Variants in ROBO1 observed in about 807,000 individuals in gnomAD.
The protein encoded by ROBO1 is roundabout homolog 1.
ROBO1 carries 149 observed loss-of-function variants against 195.9 expected under a neutral mutation model. That is an observed-to-expected ratio of 0.76 (90% CI 0.67 to 0.87). The LOEUF is 0.87. Ranked by LOEUF, ROBO1 falls within the 40% of genes least tolerant of loss-of-function variation. The pLI is 0.00. For missense variants in ROBO1, 1,933 were observed against 2,068.3 expected (o/e 0.93, Z 1.27); for synonymous variants, 816 against 733.2 (o/e 1.11, Z -1.82).
At chr3:79,158,121 A>G (rs530356836) in intron 2 of ROBO1, among the ~76,000 whole-genome samples, 40 of 151,638 alleles carry the variant, frequency 2.6e-4, no homozygotes, top group African/African-American at 9.4e-4. Context: ...TCATCTCAAC[A>G]CTCCTGCCAA....
intron 2 of ROBO1, among the ~76,000 whole-genome samples, chr3:79,540,156 G>A (rs891253853): frequency 2.6e-5 from 4 of 152,000 alleles, no homozygotes; most frequent in African/African-American, 9.7e-5. Context: ...AAAGGTTATT[G>A]TAATAGAGCA....
At position 78,950,114 on chromosome 3, in the gene ROBO1, G is replaced by A. The variant is rs1576455250; in HGVS notation, c.173-11187C>T. ...GGAAGTCCGTGTGGCGATTCCTCAG[G>A]GATCTAGAACTAGAAATACCATTTG... is the stretch of plus-strand genomic sequence containing the variant. On this transcript the variant is annotated intron_variant, in intron 3 of 30. Coordinates refer to ENST00000464233, the MANE Select transcript of ROBO1 (RefSeq NM_002941.4). Among the ~76,000 whole-genome samples, 4 of 152,142 alleles carry A rather than the reference G, an allele frequency of 2.6e-5. No homozygotes were observed. In the East Asian group the frequency reaches 7.8e-4, roughly 29 times the overall value.
intron 1 of ROBO1, among the ~76,000 whole-genome samples, chr3:79,751,788 T>C (rs941976631): frequency 1.3e-5 from 2 of 152,196 alleles, no homozygotes; most frequent in African/African-American, 4.8e-5. Context: ...ACTCATAGGA[T>C]CATTAATGAT....
intron 2 of ROBO1, among the ~76,000 whole-genome samples, chr3:79,243,013 G>A (rs2082550817): frequency 7.9e-6 from 1 of 127,118 alleles, no homozygotes; most frequent in South Asian, 2.4e-4. Flanking sequence ...GCCCTGGTGT[G>A]TGATGTTCCC....
intron 4 of ROBO1, among the ~76,000 whole-genome samples, chr3:78,901,795 T>C (rs1203656134): frequency 6.6e-6 from 1 of 152,168 alleles, no homozygotes. Flanking sequence ...CCATCAAATG[T>C]CTATACTAAT....
At chr3:79,199,853 T>C (rs1305983594) in intron 2 of ROBO1, among the ~76,000 whole-genome samples, 2 of 151,774 alleles carry the variant, frequency 1.3e-5, no homozygotes, top group African/African-American at 4.8e-5. Flanking sequence ...ATGGCGATGG[T>C]AAAGTGTTCT....
intron 2 of ROBO1, among the ~76,000 whole-genome samples, chr3:79,527,490 T>A (rs1425162025): frequency 6.6e-6 from 1 of 152,160 alleles, no homozygotes; most frequent in Non-Finnish European, 1.5e-5. Flanking sequence ...TTTCTATGGT[T>A]AATATTCTCT....
intron 2 of ROBO1, among the ~76,000 whole-genome samples, chr3:79,439,646 TG>T (rs561877730): frequency 3.1e-3 from 468 of 152,208 alleles, no homozygotes; most frequent in Middle Eastern, 0.027. Flanking sequence ...AATATAAACA[TG>T]ATTTAAATGG....
intron 8 of ROBO1, among the ~76,000 whole-genome samples, chr3:78,711,348 CTCCTTCCTTCCTTCCTTCCTTCCT>C (rs1191923818): frequency 6.2e-4 from 34 of 54,682 alleles, no homozygotes; most frequent in South Asian, 1.7e-3. Flanking sequence ...TCCTTCCTTC[CTCCTTCCTTCCTTCCTTCCTTCCT>C]TCCTTCCTTC....
intron 4 of ROBO1, among the ~76,000 whole-genome samples, chr3:78,831,581 A>T (rs2032213970): frequency 6.6e-6 from 1 of 152,226 alleles, no homozygotes; most frequent in Non-Finnish European, 1.5e-5. Flanking sequence ...CCTATCAGAA[A>T]ATGACATGAG....
intron 1 of ROBO1, among the ~76,000 whole-genome samples, chr3:79,724,363 C>A (rs1391647116): frequency 1.3e-5 from 2 of 152,164 alleles, no homozygotes; most frequent in Admixed American, 1.3e-4. Flanking sequence ...TTTCTCAATA[C>A]CACTGATATT....
At chr3:79,185,541 T>C (rs1353383413) in intron 2 of ROBO1, among the ~76,000 whole-genome samples, 1 of 152,160 alleles carries the variant, frequency 6.6e-6, no homozygotes, top group Non-Finnish European at 1.5e-5. Context: ...TATTAGGTAT[T>C]CATCTTAGAA....
chr3:79,726,236 C>G (rs1702919724), intron 1 of ROBO1, among the ~76,000 whole-genome samples: 1 of 152,148 alleles, frequency 6.6e-6, no homozygotes, highest in Admixed American at 6.6e-5. Flanking sequence ...TCCCAGGACA[C>G]CAGTTGTGAA....
At chr3:79,237,354 G>A (rs1464845723) in intron 2 of ROBO1, among the ~76,000 whole-genome samples, 1 of 151,916 alleles carries the variant, frequency 6.6e-6, no homozygotes, top group Non-Finnish European at 1.5e-5. Context: ...TGGTGGCGGC[G>A]CCTGTAGTCC....
chr3:78,717,641 C>A, intron 6 of ROBO1, 122 bp downstream of exon 6: 1 of 1,148,220 alleles, frequency 8.7e-7, no homozygotes, highest in Non-Finnish European at 1.2e-6. Flanking sequence ...TTTCTTCTCT[C>A]CTCTTTCTAC....
At chr3:79,671,095 A>G (rs1946619213) in intron 1 of ROBO1, among the ~76,000 whole-genome samples, 1 of 151,848 alleles carries the variant, frequency 6.6e-6, no homozygotes, top group Non-Finnish European at 1.5e-5. Context: ...TAAAATAGTC[A>G]ACATATTGAC....
intron 4 of ROBO1, among the ~76,000 whole-genome samples, chr3:78,765,859 T>C (rs993890973): frequency 6.6e-6 from 1 of 152,196 alleles, no homozygotes; most frequent in Admixed American, 6.5e-5. Flanking sequence ...TGCTGATAGA[T>C]AGTAAGCCAA....
At chr3:79,238,682 G>GC (rs2082457614) in intron 2 of ROBO1, among the ~76,000 whole-genome samples, 2 of 152,200 alleles carry the variant, frequency 1.3e-5, no homozygotes, top group African/African-American at 4.8e-5. Context: ...TTATGATGAT[G>GC]CTATAGTGAT....
intron 1 of ROBO1, among the ~76,000 whole-genome samples, chr3:79,746,330 A>G (rs1449262661): frequency 6.6e-6 from 1 of 152,072 alleles, no homozygotes; most frequent in Non-Finnish European, 1.5e-5. Context: ...AGAAATCGCC[A>G]CTTTTTAAGA....
Sources: gnomAD v4.1 joint callset for allele counts (sites outside exome capture counted in the v4.1 genomes callset) on GRCh38, gnomAD v4.1.1 for gene constraint, MANE v1.5 for transcripts, NCBI Gene and HGNC (gene_info 2026-07-23, HGNC 2026-07-21) for gene names.